The following LUZP2 variants were observed in gnomAD, a reference collection of about 807,000 sequenced individuals.
LUZP2 encodes leucine zipper protein 2.
In LUZP2, 52 loss-of-function variants were observed where a neutral mutation model predicts 51.6. The ratio of observed to expected loss-of-function variants is 1.01; its 90% confidence interval spans 0.81 to 1.27. LUZP2 has a LOEUF of 1.27. Among genes scored for constraint, LUZP2 ranks in the 50% most tolerant of loss-of-function variants. LUZP2 has a pLI of 0.00. For synonymous variants in LUZP2, 154 were observed against 137.3 expected, an observed-to-expected ratio of 1.12 and a Z score of -0.85; for missense variants, 436 against 395.4, an observed-to-expected ratio of 1.10 and a Z score of -0.87.
chr11:24,611,051 C>CT lies in LUZP2; in HGVS notation c.62+113749dup, dbSNP rs764125755. Among the ~76,000 whole-genome samples, 257 of 139,198 alleles carry CT rather than the reference C, an allele frequency of 1.8e-3. 2 individuals carry two copies. The highest frequency in any genetic ancestry group is 2.5e-3 in the Non-Finnish European group (155 of 62,638). 91.3% of individuals were successfully genotyped at this position (139,198 alleles called of 152,430 possible). The stretch of plus-strand genomic sequence containing the variant: ...TTATAATGTACCTTACATGACATAG[C>CT]TTTGTTTTTTTTTATTTTTATTTTT... On this transcript the variant is annotated intron_variant, in intron 1 of 11. Transcript: ENST00000336930. This position sits in a 1 kb window ranked among gnomAD's most constrained non-coding sequence, Gnocchi z 4.6.
intron 7 of LUZP2, among the ~76,000 whole-genome samples, chr11:24,972,559 A>G (rs1855771988): frequency 6.6e-6 from 1 of 152,182 alleles, no homozygotes; most frequent in Non-Finnish European, 1.5e-5. Flanking sequence ...CTGTCTCTCT[A>G]TAGTGAAAGA....
At chr11:25,013,897 C>G (rs1857057024) in intron 9 of LUZP2, among the ~76,000 whole-genome samples, 1 of 152,088 alleles carries the variant, frequency 6.6e-6, no homozygotes, top group South Asian at 2.1e-4. Flanking sequence ...TATCCCTCCC[C>G]TGTCCCCCCA....
At chr11:24,635,690 C>G (rs1326076918) in intron 1 of LUZP2, among the ~76,000 whole-genome samples, 1 of 152,138 alleles carries the variant, frequency 6.6e-6, no homozygotes, top group African/African-American at 2.4e-5. Context: ...AAAACCTCAT[C>G]TGTAATGAAA....
intron 1 of LUZP2, among the ~76,000 whole-genome samples, chr11:24,657,172 T>G (rs1454184247): frequency 2.6e-5 from 4 of 152,174 alleles, no homozygotes; most frequent in Non-Finnish European, 5.9e-5. Context: ...GTAGTAGTCA[T>G]GTTGAGAGAT....
intron 1 of LUZP2, among the ~76,000 whole-genome samples, chr11:24,694,327 C>A (rs762293432): frequency 2.0e-5 from 3 of 152,042 alleles, no homozygotes; most frequent in Non-Finnish European, 4.4e-5. Context: ...GTTCAGCTAA[C>A]TTCTTCACCT....
intron 9 of LUZP2, among the ~76,000 whole-genome samples, chr11:24,997,105 A>G (rs1237083881): frequency 6.7e-6 from 1 of 150,328 alleles, no homozygotes; most frequent in Non-Finnish European, 1.5e-5. Flanking sequence ...TTATAGCAGC[A>G]TGATTTATAG....
At chr11:24,988,824 A>G (rs1293788167) in intron 9 of LUZP2, among the ~76,000 whole-genome samples, 2 of 152,026 alleles carry the variant, frequency 1.3e-5, no homozygotes, top group African/African-American at 2.4e-5. Context: ...GTGACTATCC[A>G]TAAGGACAAT....
At chr11:24,701,266 G>C (rs919092708) in intron 1 of LUZP2, 1 of 162,228 alleles carries the variant, frequency 6.2e-6, no homozygotes, top group African/African-American at 2.4e-5. Context: ...CACCATCCCT[G>C]CTGCCCAGAT....
intron 9 of LUZP2, among the ~76,000 whole-genome samples, chr11:25,025,401 C>A (rs563652248): frequency 6.6e-6 from 1 of 152,124 alleles, no homozygotes; most frequent in Non-Finnish European, 1.5e-5. Flanking sequence ...ACCCATCTGA[C>A]AAAGGGCTAA....
At chr11:24,583,879 A>T (rs1327335609) in intron 1 of LUZP2, among the ~76,000 whole-genome samples, 4 of 141,346 alleles carry the variant, frequency 2.8e-5, no homozygotes, top group African/African-American at 5.3e-5. Flanking sequence ...AATTTTTTGT[A>T]TTTTTTTTTT....
chr11:24,689,841 A>AT (rs1417586290), intron 1 of LUZP2, among the ~76,000 whole-genome samples: 1 of 151,948 alleles, frequency 6.6e-6, no homozygotes, highest in Non-Finnish European at 1.5e-5. Flanking sequence ...TTGCTACCTG[A>AT]TTTTTTAAAT....
rs190895505 is a variant in LUZP2 at position 24,775,137 on chromosome 11, G to T, written c.396+11829G>T. On this transcript the variant is annotated intron_variant, in intron 5 of 11. Coordinates refer to ENST00000336930, the MANE Select transcript of LUZP2 (RefSeq NM_001009909.4). ...AAGATGACGACAATAACCCAGAAAAGTGTAATGTCTACTGAAGGCTTCATC... is the reference window on the plus strand; with the variant it reads ...AAGATGACGACAATAACCCAGAAAATTGTAATGTCTACTGAAGGCTTCATC... Among the ~76,000 whole-genome samples, 3 of 152,156 alleles carry T rather than the reference G, an allele frequency of 2.0e-5. No homozygotes were observed. In the East Asian group the frequency reaches 5.8e-4, roughly 29 times the overall value.
intron 5 of LUZP2, among the ~76,000 whole-genome samples, chr11:24,861,648 A>G (rs1184806909): frequency 1.3e-5 from 2 of 152,186 alleles, no homozygotes; most frequent in Admixed American, 6.5e-5. Context: ...ACTGCCCGCC[A>G]CTAGTGGCCG....
chr11:24,680,373 C>T (rs1856694252), intron 1 of LUZP2, among the ~76,000 whole-genome samples: 1 of 152,162 alleles, frequency 6.6e-6, no homozygotes. Flanking sequence ...TGCCCTAGGT[C>T]CTCTCCACAA....
At chr11:24,521,453 A>G (rs1175412740) in intron 1 of LUZP2, among the ~76,000 whole-genome samples, 1 of 152,078 alleles carries the variant, frequency 6.6e-6, no homozygotes, top group African/African-American at 2.4e-5. Flanking sequence ...TAAAAGAAGC[A>G]GGACTCAGTC....
intron 5 of LUZP2, among the ~76,000 whole-genome samples, chr11:24,810,200 T>C (rs2716473): frequency 0.6 from 91,565 of 151,860 alleles, 29,564 homozygotes; most frequent in Admixed American, 0.74. Context: ...AGAAATGAAA[T>C]CAGTACACAC....
chr11:24,806,484 G>C (rs537892941), intron 5 of LUZP2, among the ~76,000 whole-genome samples: 1 of 152,288 alleles, frequency 6.6e-6, no homozygotes, highest in Admixed American at 6.5e-5. Context: ...GATCAGTGCT[G>C]TATGTGGGAT....
chr11:24,909,086 A>G (rs1853548698), intron 6 of LUZP2, among the ~76,000 whole-genome samples: 2 of 151,782 alleles, frequency 1.3e-5, no homozygotes, highest in African/African-American at 2.4e-5. Flanking sequence ...ACTGAAAATT[A>G]CAAGAGTGCT....
At chr11:25,018,138 C>A (rs1590840916) in intron 9 of LUZP2, among the ~76,000 whole-genome samples, 1 of 150,430 alleles carries the variant, frequency 6.6e-6, no homozygotes, top group East Asian at 1.9e-4. Flanking sequence ...TATGGCATTG[C>A]TACTGATTTG....
Sources: gnomAD v4.1 joint callset for allele counts (sites outside exome capture counted in the v4.1 genomes callset) on GRCh38, gnomAD v4.1.1 for gene constraint, Gnocchi (gnomAD v3.1) non-coding constraint, MANE v1.5 for transcripts, NCBI Gene and HGNC (gene_info 2026-07-23, HGNC 2026-07-21) for gene names.